The following MACROD2 variants were observed in gnomAD, a reference collection of about 807,000 sequenced individuals.
MACROD2 encodes mono-ADP ribosylhydrolase 2.
In MACROD2, 36 loss-of-function variants were observed where a neutral mutation model predicts 70.4. The observed-to-expected ratio is 0.51, with a 90% CI of 0.39 to 0.68. MACROD2 has a LOEUF of 0.68. Among genes scored for constraint, MACROD2 ranks in the 30% least tolerant of loss-of-function variants. MACROD2 has a pLI of 0.00. For synonymous variants in MACROD2, 172 were observed against 178.8 expected (o/e 0.96, Z 0.30); for missense variants, 496 against 538.4 (o/e 0.92, Z 0.78).
intron 5 of MACROD2, among the ~76,000 whole-genome samples, chr20:15,150,836 G>A (rs1055678650): frequency 1.3e-5 from 2 of 152,004 alleles, no homozygotes; most frequent in Admixed American, 6.5e-5. Context: ...TAACTAAAAA[G>A]GAGTGCTTAA....
chr20:15,371,947 T>C (rs183814206), intron 6 of MACROD2, among the ~76,000 whole-genome samples: 66 of 152,356 alleles, frequency 4.3e-4, no homozygotes, highest in Non-Finnish European at 7.9e-4. Context: ...AAATACATGT[T>C]GTGTTAATTG....
intron 4 of MACROD2, among the ~76,000 whole-genome samples, chr20:14,641,679 A>G (rs953665473): frequency 1.3e-5 from 2 of 152,240 alleles, no homozygotes; most frequent in African/African-American, 4.8e-5. Context: ...GACTGAATGC[A>G]TTGTAAATGA....
intron 4 of MACROD2, among the ~76,000 whole-genome samples, chr20:14,653,276 T>A (rs966436635): frequency 6.6e-6 from 1 of 150,466 alleles, no homozygotes; most frequent in Non-Finnish European, 1.5e-5. Flanking sequence ...TGGAGTGCAG[T>A]GGCACAATCT....
intron 5 of MACROD2, among the ~76,000 whole-genome samples, chr20:14,824,957 T>C (rs2072885742): frequency 6.6e-6 from 1 of 152,048 alleles, no homozygotes; most frequent in Non-Finnish European, 1.5e-5. Flanking sequence ...TAAATGAGGT[T>C]CAAAATGTTT....
intron 4 of MACROD2, among the ~76,000 whole-genome samples, chr20:14,586,243 ATGTG>A (rs1350350637): frequency 6.6e-6 from 1 of 151,106 alleles, no homozygotes; most frequent in East Asian, 1.9e-4. Context: ...GGCTGTGTGT[ATGTG>A]TGTGTGTGTA....
At chr20:14,274,489 T>C (rs1304426444) in intron 3 of MACROD2, among the ~76,000 whole-genome samples, 2 of 152,298 alleles carry the variant, frequency 1.3e-5, no homozygotes, top group African/African-American at 2.4e-5. Flanking sequence ...ATTGATGGGA[T>C]GTATCTCAAA....
intron 6 of MACROD2, among the ~76,000 whole-genome samples, chr20:15,346,264 G>A (rs1031339790): frequency 6.6e-6 from 1 of 152,074 alleles, no homozygotes; most frequent in East Asian, 1.9e-4. Flanking sequence ...TTAAACACTA[G>A]GTTGGGTTTT....
At chr20:15,016,160 G>A (rs745796796) in intron 5 of MACROD2, among the ~76,000 whole-genome samples, 1 of 152,126 alleles carries the variant, frequency 6.6e-6, no homozygotes, top group Admixed American at 6.6e-5. Flanking sequence ...TTCACTTTCT[G>A]GGTGTTAATG....
At chr20:15,542,886 C>T (rs1478135132) in intron 8 of MACROD2, among the ~76,000 whole-genome samples, 1 of 152,116 alleles carries the variant, frequency 6.6e-6, no homozygotes, top group Non-Finnish European at 1.5e-5. Flanking sequence ...TTGTCCACGT[C>T]CTACGCAGCA....
At chr20:14,977,867 C>T (rs1190804245) in intron 5 of MACROD2, among the ~76,000 whole-genome samples, 4 of 152,040 alleles carry the variant, frequency 2.6e-5, no homozygotes. Flanking sequence ...TAATGGCTAT[C>T]TATGTATTCT....
intron 3 of MACROD2, among the ~76,000 whole-genome samples, chr20:14,462,686 T>C (rs562673913): frequency 1.6e-4 from 24 of 152,276 alleles, no homozygotes; most frequent in Admixed American, 2.6e-4. Flanking sequence ...TGTAAGTCTT[T>C]AATCCATCTT....
chr20:14,864,512 G>A (rs2122394147), intron 5 of MACROD2, among the ~76,000 whole-genome samples: 1 of 152,080 alleles, frequency 6.6e-6, no homozygotes, highest in East Asian at 1.9e-4. Flanking sequence ...CTGAAGCCAG[G>A]CAAATCTACT....
intron 5 of MACROD2, among the ~76,000 whole-genome samples, chr20:14,832,317 G>A (rs984725142): frequency 6.6e-6 from 1 of 151,958 alleles, no homozygotes; most frequent in Admixed American, 6.6e-5. Context: ...ACAGAACAGT[G>A]TCAGAAGCCA....
chr20:16,043,155 A>G (rs1201975974), intron 16 of MACROD2, among the ~76,000 whole-genome samples: 1 of 152,060 alleles, frequency 6.6e-6, no homozygotes, highest in Admixed American at 6.6e-5. Flanking sequence ...AGAAAAAGAG[A>G]ATACTTCAAG....
chr20:14,851,615 C>T (rs545924167), intron 5 of MACROD2, among the ~76,000 whole-genome samples: 2 of 152,052 alleles, frequency 1.3e-5, no homozygotes, highest in Admixed American at 6.5e-5. Context: ...CTAAGATGAA[C>T]GTGGAAAAAA....
intron 4 of MACROD2, among the ~76,000 whole-genome samples, chr20:14,679,338 G>C (rs2070901391): frequency 6.6e-6 from 1 of 152,152 alleles, no homozygotes; most frequent in Non-Finnish European, 1.5e-5. Flanking sequence ...CCTGGGTAGA[G>C]GGTACCGTGC....
intron 4 of MACROD2, among the ~76,000 whole-genome samples, chr20:14,638,684 C>T (rs1984917370): frequency 2.0e-5 from 3 of 152,136 alleles, no homozygotes; most frequent in African/African-American, 4.8e-5. Flanking sequence ...GGTGTGGTGG[C>T]TCACACCTGT....
intron 3 of MACROD2, among the ~76,000 whole-genome samples, chr20:14,334,101 A>G (rs1253346822): frequency 6.6e-6 from 1 of 152,212 alleles, no homozygotes; most frequent in Non-Finnish European, 1.5e-5. Context: ...ATGCATATGC[A>G]AAACAAATGA....
intron 5 of MACROD2, among the ~76,000 whole-genome samples, chr20:15,012,837 A>T (rs1392924010): frequency 6.6e-6 from 1 of 152,154 alleles, no homozygotes; most frequent in Non-Finnish European, 1.5e-5. Flanking sequence ...GCACAATTGC[A>T]GTTTGAATGC....
Sources: allele counts gnomAD v4.1 joint callset (sites outside exome capture counted in the v4.1 genomes callset), GRCh38; gene constraint gnomAD v4.1.1; transcripts MANE v1.5; gene names NCBI Gene and HGNC (gene_info 2026-07-23, HGNC 2026-07-21).